Variants in SCHIP1 observed in about 807,000 individuals in gnomAD.
SCHIP1 encodes the protein schwannomin interacting protein 1.
In SCHIP1, 8 loss-of-function variants were observed where a neutral mutation model predicts 29.7. The ratio of observed to expected loss-of-function variants is 0.27; its 90% CI spans 0.16 to 0.49. SCHIP1 has a LOEUF of 0.49. SCHIP1 is among the 20% of genes least tolerant of loss of function. The pLI, the probability that SCHIP1 is intolerant of heterozygous loss-of-function variation, is 0.99. For synonymous variants in SCHIP1, 76 were observed against 94.9 expected, an observed-to-expected ratio of 0.80 and a Z score of 1.16; for missense variants, 193 against 294.6, an observed-to-expected ratio of 0.66 and a Z score of 2.52.
At chr3:159,535,093 G>A in the SCHIP1 span, among the ~76,000 whole-genome samples, 6 of 152,126 alleles carry the variant, frequency 3.9e-5, no homozygotes, top group Non-Finnish European at 8.8e-5. Context: ...GAGCACCCTT[G>A]ATGTACCAGG....
the SCHIP1 span, among the ~76,000 whole-genome samples, chr3:159,652,296 A>G: frequency 6.6e-6 from 1 of 152,140 alleles, no homozygotes; most frequent in Admixed American, 6.5e-5. Context: ...TGCTACACTT[A>G]TTATTTCTTG....
chr3:159,889,200 G>A (rs1020688355), intron 5 of SCHIP1, among the ~76,000 whole-genome samples: 8 of 152,170 alleles, frequency 5.3e-5, no homozygotes, highest in African/African-American at 1.9e-4. Context: ...TCCTAGCACA[G>A]TGCATGTACC....
At chr3:159,350,830 C>G in the SCHIP1 span, among the ~76,000 whole-genome samples, 1 of 151,904 alleles carries the variant, frequency 6.6e-6, no homozygotes, top group African/African-American at 2.4e-5. Flanking sequence ...AACTATAGCC[C>G]TCATGTAGTA....
the SCHIP1 span, among the ~76,000 whole-genome samples, chr3:159,408,268 G>A: frequency 4.6e-5 from 7 of 151,704 alleles, no homozygotes; most frequent in Admixed American, 2.0e-4. Flanking sequence ...ACTGCACTCC[G>A]GCCTGGGCAA....
the SCHIP1 span, among the ~76,000 whole-genome samples, chr3:159,550,119 CTTAA>C: frequency 6.6e-5 from 10 of 151,768 alleles, no homozygotes; most frequent in African/African-American, 2.2e-4. Flanking sequence ...AATTAATTAT[CTTAA>C]TTATCTTTCT....
the SCHIP1 span, among the ~76,000 whole-genome samples, chr3:159,643,204 C>A: frequency 2.6e-5 from 4 of 152,188 alleles, no homozygotes; most frequent in African/African-American, 9.6e-5. Flanking sequence ...GGTTATTGTT[C>A]TGATTTCCAG....
At chr3:159,854,394 G>A (rs571917945) in intron 1 of SCHIP1, among the ~76,000 whole-genome samples, 14 of 152,206 alleles carry the variant, frequency 9.2e-5, no homozygotes, top group Non-Finnish European at 1.8e-4. Flanking sequence ...GTGTGTGTGA[G>A]TGTGGGGACT....
the SCHIP1 span, among the ~76,000 whole-genome samples, chr3:159,360,533 T>C: frequency 6.6e-6 from 1 of 152,172 alleles, no homozygotes; most frequent in African/African-American, 2.4e-5. Flanking sequence ...AATTGTTCAA[T>C]TATGTAGTCA....
At chr3:159,274,013 A>G in the SCHIP1 span, 1 of 1,489,566 alleles carries the variant, frequency 6.7e-7, no homozygotes, top group East Asian at 2.5e-5. Context: ...TTTTAAATTC[A>G]GAATTAAGCA....
chr3:159,731,283 C>A, the SCHIP1 span, among the ~76,000 whole-genome samples: 1 of 152,214 alleles, frequency 6.6e-6, no homozygotes. Flanking sequence ...TTTATAATTA[C>A]TTTTAATCCA....
the SCHIP1 span, among the ~76,000 whole-genome samples, chr3:159,375,242 T>C: frequency 6.6e-6 from 1 of 152,144 alleles, no homozygotes. Flanking sequence ...TGAGCTGCTT[T>C]GACAGTATCC....
At chr3:159,321,328 G>A in the SCHIP1 span, among the ~76,000 whole-genome samples, 12 of 152,246 alleles carry the variant, frequency 7.9e-5, no homozygotes, top group Admixed American at 7.8e-4. Flanking sequence ...CGTCCTCAAC[G>A]AGAAGTTTCT....
chr3:159,615,374 A>G, the SCHIP1 span, among the ~76,000 whole-genome samples: 2 of 152,222 alleles, frequency 1.3e-5, no homozygotes, highest in African/African-American at 4.8e-5. Flanking sequence ...ATTTGTGTTT[A>G]TGAATTATCA....
chr3:159,277,505 T>C, the SCHIP1 span, among the ~76,000 whole-genome samples: 1 of 152,024 alleles, frequency 6.6e-6, no homozygotes, highest in African/African-American at 2.4e-5. Context: ...GTGAATGGAA[T>C]AATAATTTGG....
the SCHIP1 span, among the ~76,000 whole-genome samples, chr3:159,362,790 T>G: frequency 6.6e-6 from 1 of 152,108 alleles, no homozygotes; most frequent in Non-Finnish European, 1.5e-5. Flanking sequence ...CCCCATCCAT[T>G]TCCTCTCTAT....
chr3:159,675,572 G>A, the SCHIP1 span, among the ~76,000 whole-genome samples: 5 of 152,314 alleles, frequency 3.3e-5, no homozygotes, highest in South Asian at 2.1e-4. Context: ...TTCCAGGCCC[G>A]CATGAGCTTG....
chr3:159,671,921 G>A, the SCHIP1 span, among the ~76,000 whole-genome samples: 1 of 152,156 alleles, frequency 6.6e-6, no homozygotes, highest in African/African-American at 2.4e-5. Context: ...CAAACAGGGA[G>A]TGACCTGCAA....
chr3:159,382,256 C>T, the SCHIP1 span, among the ~76,000 whole-genome samples: 1 of 150,240 alleles, frequency 6.7e-6, no homozygotes, highest in Non-Finnish European at 1.5e-5. Context: ...ATCCCTCCCC[C>T]CTCACCCCAC....
the SCHIP1 span, among the ~76,000 whole-genome samples, chr3:159,334,955 T>C: frequency 9.9e-5 from 15 of 151,438 alleles, no homozygotes; most frequent in Non-Finnish European, 1.9e-4. Context: ...GGCTGGAGTG[T>C]AGTGCTGCGA....
Sources: allele counts gnomAD v4.1 joint callset (sites outside exome capture counted in the v4.1 genomes callset), GRCh38; gene constraint gnomAD v4.1.1; transcripts MANE v1.5; gene names NCBI Gene and HGNC (gene_info 2026-07-23, HGNC 2026-07-21).